Variants in ATP10B observed in about 807,000 individuals in gnomAD.
The protein encoded by ATP10B is ATPase phospholipid transporting 10B (putative).
ATP10B carries 122 observed loss-of-function variants against 141.2 expected under a neutral mutation model. That is an observed-to-expected ratio of 0.86 (90% CI 0.75 to 1.00). The LOEUF is 1.00. Among genes scored for constraint, ATP10B ranks in the 50% least tolerant of loss-of-function variants. The pLI, the probability that ATP10B is intolerant of heterozygous loss-of-function variation, is 0.00. For missense variants in ATP10B, 1,876 were observed against 1,825.3 expected (o/e 1.03, Z -0.51); for synonymous variants, 685 against 692.0 (o/e 0.99, Z 0.16).
intron 3 of ATP10B, chr5:160,691,680 T>C (rs186509623): frequency 1.3e-5 from 2 of 152,216 alleles, no homozygotes; most frequent in Non-Finnish European, 2.9e-5. Flanking sequence ...TAAATGGTAA[T>C]ATTTTACTTT....
chr5:160,870,258 T>C, the ATP10B span, among the ~76,000 whole-genome samples: 1 of 152,170 alleles, frequency 6.6e-6, no homozygotes, highest in Non-Finnish European at 1.5e-5. Flanking sequence ...CACAGGACTA[T>C]AGAGTGTTTC....
chr5:160,620,716 T>C lies in ATP10B; in HGVS notation c.2047A>G (p.Ser683Gly), dbSNP rs755589880. The C allele has an allele frequency of 4.3e-6, 7 of 1,614,214 alleles. No homozygotes were observed. In the Admixed American group the frequency reaches 1.2e-4, roughly 27 times the overall value. The change falls in exon 15 of 26, where the codon AGC (serine) becomes GGC (glycine). Residue 683 changes from serine (S) to glycine (G), a missense_variant. By Grantham distance (56) the Ser-to-Gly change is moderately conservative (BLOSUM62 0). Transcript: ENST00000327245. ...DSTDDGGYRS[S>G]MWDQGDILES... Reference sequence around the variant, plus strand: ...AGGATGTCGCCCTGGTCCCACATGCTGCTCCTGTAGCCACCGTCATCAGTG... The same window carrying C: ...AGGATGTCGCCCTGGTCCCACATGCCGCTCCTGTAGCCACCGTCATCAGTG...
At chr5:160,844,546 CT>C (rs1242472358) in intron 1 of ATP10B, among the ~76,000 whole-genome samples, 2 of 151,056 alleles carry the variant, frequency 1.3e-5, no homozygotes, top group African/African-American at 2.4e-5. Context: ...TTAATAAATA[CT>C]TTGTTTTTTT....
chr5:160,731,669 T>A (rs1380720025), intron 2 of ATP10B, among the ~76,000 whole-genome samples: 1 of 152,164 alleles, frequency 6.6e-6, no homozygotes, highest in South Asian at 2.1e-4. Context: ...CTTTATGATA[T>A]GAATAACTAG....
chr5:160,858,377 C>G, the ATP10B span, among the ~76,000 whole-genome samples: 1 of 151,860 alleles, frequency 6.6e-6, no homozygotes, highest in Non-Finnish European at 1.5e-5. Flanking sequence ...GTCAGTTTCT[C>G]GTAGAAAGCA....
At position 160,622,299 on chromosome 5, in the gene ATP10B, T is replaced by C. The variant is rs973267888; in HGVS notation, c.1812+95A>G. ...CACTGTTGCTAGGACCCAAATTTCA[T>C]GTCTCCCTGATCAGAACTTCTCCCC... On this transcript the variant is annotated intron_variant, in intron 14 of 25. Coordinates refer to ENST00000327245, the MANE Select transcript of ATP10B (RefSeq NM_025153.3). The C allele has an allele frequency of 3.2e-5, 42 of 1,301,202 alleles. No homozygotes were observed. In the South Asian group the frequency reaches 5.9e-4, roughly 18 times the overall value. 80.6% of individuals were successfully genotyped at this position (1,301,202 alleles called of 1,614,324 possible).
intron 1 of ATP10B, among the ~76,000 whole-genome samples, chr5:160,830,737 G>A (rs1021746152): frequency 7.2e-5 from 11 of 151,794 alleles, no homozygotes; most frequent in East Asian, 3.9e-4. Context: ...TGACAACTAC[G>A]TCACTGGAAG....
At chr5:160,618,733 G>C (rs932483162) in intron 15 of ATP10B, among the ~76,000 whole-genome samples, 1 of 152,108 alleles carries the variant, frequency 6.6e-6, no homozygotes, top group Non-Finnish European at 1.5e-5. Context: ...TTTCAGCCAA[G>C]GTTGGCTGGT....
intron 2 of ATP10B, among the ~76,000 whole-genome samples, chr5:160,744,970 G>A (rs1052665807): frequency 4.6e-5 from 7 of 152,194 alleles, no homozygotes; most frequent in African/African-American, 7.2e-5. Context: ...GGCCCTGGGG[G>A]CAGCCTGCCT....
chr5:160,779,917 A>T (rs1328678308), intron 2 of ATP10B, among the ~76,000 whole-genome samples: 1 of 152,220 alleles, frequency 6.6e-6, no homozygotes, highest in Non-Finnish European at 1.5e-5. Flanking sequence ...GACATCACTG[A>T]TTATAAAATA....
chr5:160,785,748 T>TGC lies in ATP10B; in HGVS notation c.-522_-521dup. On this transcript the variant is annotated 5_prime_UTR_variant, in exon 2 of 26. An upstream open reading frame in the 5' UTR loses its in-frame stop. Coordinates refer to ENST00000327245, the MANE Select transcript of ATP10B (RefSeq NM_025153.3). ...AAAAACTACTTACTCTTCACACTGTTGCTTTCATTGAAACAAATGTCACCA... is the reference window on the plus strand; with the variant it reads ...AAAAACTACTTACTCTTCACACTGTTGCGCTTTCATTGAAACAAATGTCACCA... 1 of 1,184,274 alleles carries TGC rather than the reference T, an allele frequency of 8.4e-7. No individual in the cohort carries two copies. The highest frequency in any genetic ancestry group is 1.1e-6 in the Non-Finnish European group (1 of 914,900). The allele number at this position is 1,184,274 out of a possible 1,614,324, so 73.4% of individuals were successfully genotyped here. A position where few individuals can be genotyped will look rare whatever the true frequency, so the allele number is the denominator to read the frequency against.
intron 13 of ATP10B, among the ~76,000 whole-genome samples, chr5:160,624,222 G>A (rs758972967): frequency 2.0e-5 from 3 of 152,122 alleles, no homozygotes; most frequent in Non-Finnish European, 4.4e-5. Context: ...AAAAACCCAT[G>A]GGAAAAGAGC....
the ATP10B span, among the ~76,000 whole-genome samples, chr5:160,890,616 A>C: frequency 6.6e-6 from 1 of 152,116 alleles, no homozygotes; most frequent in Non-Finnish European, 1.5e-5. Flanking sequence ...TCAGAACTTT[A>C]TTTCTTTTTA....
At chr5:160,851,408 G>GA (rs1297893716) in intron 1 of ATP10B, among the ~76,000 whole-genome samples, 1 of 151,936 alleles carries the variant, frequency 6.6e-6, no homozygotes, top group Non-Finnish European at 1.5e-5. Flanking sequence ...CATACTTAGG[G>GA]AAAAAACACA....
intron 1 of ATP10B, among the ~76,000 whole-genome samples, chr5:160,847,049 A>G (rs761444870): frequency 6.6e-6 from 1 of 152,170 alleles, no homozygotes; most frequent in African/African-American, 2.4e-5. Flanking sequence ...TCTCAGGACA[A>G]TCTTGTGAGG....
In ATP10B at chr5:160,563,402, G is replaced by A. The variant is rs1481954211; in HGVS notation, c.*2051C>T. On this transcript the variant is annotated 3_prime_UTR_variant, in exon 26 of 26. Coordinates refer to ENST00000327245, the MANE Select transcript of ATP10B (RefSeq NM_025153.3). ...AGAAAGTCCCAGGCAAACTGGGACG[G>A]TTGGTCCTACAAGAAAAAGAGCAGC... 1.3e-5 allele frequency: 2 copies of A among 152,186 alleles called. No individual in the cohort carries two copies. Among genetic ancestry groups the A allele is most frequent in the African/African-American group, 4.8e-5 (2 of 41,448 alleles). The allele number at this position is 152,186 out of a possible 1,614,324, so 9.4% of individuals were successfully genotyped here.
At chr5:160,875,638 C>G in the ATP10B span, among the ~76,000 whole-genome samples, 4 of 74,580 alleles carry the variant, frequency 5.4e-5, no homozygotes, top group East Asian at 8.7e-4. Context: ...TTCAGGAAAC[C>G]CATCTCATGT....
chr5:160,716,909 C>G lies in ATP10B; in HGVS notation c.-205G>C. 1 of 985,364 alleles carries G rather than the reference C, an allele frequency of 1.0e-6. No individual in the cohort carries two copies. The highest frequency in any genetic ancestry group is 1.2e-6 in the Non-Finnish European group (1 of 829,908). 61.0% of individuals were successfully genotyped at this position (985,364 alleles called of 1,614,324 possible). On this transcript the variant is annotated splice_region_variant and 5_prime_UTR_variant, in exon 3 of 26. Coordinates refer to ENST00000327245, the MANE Select transcript of ATP10B (RefSeq NM_025153.3). ...CGGGGAAGCAACGCAAAAGATATAC[C>G]TGTTAGCGGAGTCCCTTTAAGGAGG...
chr5:160,628,524 T>C (rs1758731383), intron 13 of ATP10B, among the ~76,000 whole-genome samples: 2 of 152,146 alleles, frequency 1.3e-5, no homozygotes, highest in Non-Finnish European at 2.9e-5. Context: ...CAGACCAAGA[T>C]TAGTGAAAGG....
Sources: gnomAD v4.1 joint callset for allele counts (sites outside exome capture counted in the v4.1 genomes callset) on GRCh38, gnomAD v4.1.1 for gene constraint, MANE v1.5 for transcripts, NCBI Gene and HGNC (gene_info 2026-07-23, HGNC 2026-07-21) for gene names.